Variants in NT5E observed in about 807,000 individuals in gnomAD.
The protein encoded by NT5E is 5'-nucleotidase ecto, also known as 5'-nucleotidase.
In NT5E, 53 loss-of-function variants were observed where a neutral mutation model predicts 55.1. That is an observed-to-expected ratio of 0.96 (90% CI 0.77 to 1.21). NT5E has a LOEUF of 1.21. NT5E is among the 50% of genes most tolerant of loss of function. NT5E has a pLI of 0.00. For missense variants in NT5E, 683 were observed against 724.3 expected, an observed-to-expected ratio of 0.94 and a Z score of 0.65; for synonymous variants, 270 against 278.4, an observed-to-expected ratio of 0.97 and a Z score of 0.30.
chr6:85,451,231 A>T (rs1322980623), intron 1 of NT5E, among the ~76,000 whole-genome samples: 1 of 152,102 alleles, frequency 6.6e-6, no homozygotes, highest in Non-Finnish European at 1.5e-5. Flanking sequence ...GGAAAGAAAG[A>T]AAGAAAGAGA....
At chr6:85,485,792 A>G (rs1319280572) in intron 4 of NT5E, among the ~76,000 whole-genome samples, 2 of 152,212 alleles carry the variant, frequency 1.3e-5, no homozygotes, top group African/African-American at 4.8e-5. Context: ...TGGCCCCCCA[A>G]CTAGAGGCAG....
At chr6:85,478,790 A>G (rs1769486082) in intron 3 of NT5E, among the ~76,000 whole-genome samples, 1 of 151,624 alleles carries the variant, frequency 6.6e-6, no homozygotes, top group Non-Finnish European at 1.5e-5. Context: ...TAGACCTACT[A>G]TGTTCTAGGG....
rs1187586657 is a variant in NT5E, at chr6:85,471,247, A to T, written c.573A>T (p.Leu191Phe). The T allele has an allele frequency of 6.2e-7, 1 of 1,606,094 alleles. No homozygotes were observed. ...TATTTTGTTCCTTAGGGACAAATTT[A>T]GTGTTTGAAGATGAAATCACTGCAT... ...TPFLSNPGTNLVFEDEITALQ... is the reference protein window; with the variant it reads ...TPFLSNPGTNFVFEDEITALQ... Residue 191 changes from leucine to phenylalanine, a missense_variant, in exon 3 of 9, where the codon TTA (leucine) becomes TTT (phenylalanine). Transcript: ENST00000257770.
chr6:85,484,679 T>C (rs1769613568), intron 3 of NT5E, among the ~76,000 whole-genome samples: 1 of 152,160 alleles, frequency 6.6e-6, no homozygotes, highest in Admixed American at 6.5e-5. Context: ...CTCCGAAGTA[T>C]ATGTCTGGGG....
chr6:85,489,728 A>G lies in NT5E; in HGVS notation c.1210+129A>G, dbSNP rs1417684976. 1.2e-5 allele frequency: 9 copies of G among 725,362 alleles called. No individual in the cohort carries two copies. In the East Asian group the frequency reaches 2.5e-4, roughly 20 times the overall value. 44.9% of individuals were successfully genotyped at this position (725,362 alleles called of 1,614,324 possible). A position where few individuals can be genotyped will look rare whatever the true frequency, so the allele number is the denominator to read the frequency against. ...TCTCTGCTGCCAGCCATGTACCAGA[A>G]TGTCAGTCCTTTAAATTAGGGTTAG... On this transcript the variant is annotated intron_variant, in intron 6 of 8. Coordinates refer to ENST00000257770, the MANE Select transcript of NT5E (RefSeq NM_002526.4).
intron 3 of NT5E, among the ~76,000 whole-genome samples, chr6:85,475,653 C>A (rs1769418921): frequency 6.6e-6 from 1 of 152,194 alleles, no homozygotes; most frequent in African/African-American, 2.4e-5. Context: ...GCAGCAGGTA[C>A]AACAGGGGAC....
intron 5 of NT5E, among the ~76,000 whole-genome samples, chr6:85,487,744 CTG>C (rs1341640329): frequency 6.6e-6 from 1 of 152,214 alleles, no homozygotes; most frequent in African/African-American, 2.4e-5. Context: ...GAGCGAGACT[CTG>C]TCTCTAAAAT....
In NT5E at chr6:85,450,536, G is replaced by A; in HGVS notation, c.339+58G>A. 1 of 1,493,054 alleles carries A rather than the reference G, an allele frequency of 6.7e-7. No individual in the cohort carries two copies. Among genetic ancestry groups the A allele is most frequent in the Non-Finnish European group, 9.1e-7 (1 of 1,095,028 alleles). The allele number at this position is 1,493,054 out of a possible 1,614,324, so 92.5% of individuals were successfully genotyped here. Reference sequence around the variant, plus strand: ...CCCGGACTGAGAGAGGAGCCGGGCTGGAAAAGCAGCGGATGGCAGAGTGTG... The same window carrying A: ...CCCGGACTGAGAGAGGAGCCGGGCTAGAAAAGCAGCGGATGGCAGAGTGTG... On this transcript the variant is annotated intron_variant, in intron 1 of 8. Transcript: ENST00000257770. The surrounding 1 kb of genome is among the most constrained non-coding windows in gnomAD (Gnocchi z 4.0).
chr6:85,458,050 C>T (rs1190640212), intron 1 of NT5E, among the ~76,000 whole-genome samples: 5 of 152,210 alleles, frequency 3.3e-5, no homozygotes, highest in African/African-American at 4.8e-5. Flanking sequence ...CATGTTTCTT[C>T]TCCCATAAAA....
At chr6:85,470,137 T>C (rs1319991033) in intron 2 of NT5E, among the ~76,000 whole-genome samples, 1 of 152,194 alleles carries the variant, frequency 6.6e-6, no homozygotes, top group Non-Finnish European at 1.5e-5. Flanking sequence ...GTACCAGACA[T>C]GACTTCAGGG....
At chr6:85,479,990 C>T (rs924731139) in intron 3 of NT5E, among the ~76,000 whole-genome samples, 25 of 152,152 alleles carry the variant, frequency 1.6e-4, no homozygotes, top group Non-Finnish European at 8.8e-5. Flanking sequence ...AGTATTTGCT[C>T]GCTTTCCCTA....
rs371640203 is a variant in NT5E, at chr6:85,485,423, A to T, written c.940A>T (p.Ile314Phe). 1 of 1,614,188 alleles carries T rather than the reference A, an allele frequency of 6.2e-7. No individual in the cohort carries two copies. The highest frequency in any genetic ancestry group is 1.3e-5 in the African/African-American group (1 of 75,072). Reference sequence around the variant, plus strand: ...AAATCCCATTCTTCTAAACAGCAGCATTCCTGAAGGTAAGTGAAGTTCAGG... The same window carrying T: ...AAATCCCATTCTTCTAAACAGCAGCTTTCCTGAAGGTAAGTGAAGTTCAGG... ...HGNPILLNSS[I>F]PEDPSIKADI... The change falls in exon 4 of 9, where the codon ATT becomes TTT. Residue 314 changes from isoleucine (I) to phenylalanine (F), a missense_variant. Coordinates refer to ENST00000257770, the MANE Select transcript of NT5E (RefSeq NM_002526.4).
At chr6:85,463,691 A>G (rs1769136645) in intron 1 of NT5E, among the ~76,000 whole-genome samples, 2 of 152,170 alleles carry the variant, frequency 1.3e-5, no homozygotes, top group Admixed American at 1.3e-4. Context: ...AAACGAATAA[A>G]CTAGATCAAT....
In NT5E at chr6:85,450,434, G is replaced by C. The variant is rs1348777536; in HGVS notation, c.295G>C (p.Ala99Pro). The change falls in exon 1 of 9, where the codon GCC becomes CCC. Residue 99 changes from alanine to proline, a missense_variant. Ala to Pro is a conservative substitution (Grantham distance 27). Coordinates refer to ENST00000257770, the MANE Select transcript of NT5E (RefSeq NM_002526.4). This position sits in a 1 kb window ranked among gnomAD's most constrained non-coding sequence, Gnocchi z 4.0. ...GTIWFTVYKGAEVAHFMNALR... is the reference protein window; with the variant it reads ...GTIWFTVYKGPEVAHFMNALR... ...TATCTGGTTCACCGTGTACAAGGGC[G>C]CCGAGGTGGCGCACTTCATGAACGC... The C allele has an allele frequency of 1.5e-5, 24 of 1,602,386 alleles. No individual in the cohort carries two copies. The South Asian group carries it at 2.7e-4, about 18-fold the overall frequency.
chr6:85,471,123 T>C (rs1769294821), intron 2 of NT5E, 114 bp from the exon 3 acceptor site: 1 of 654,082 alleles, frequency 1.5e-6, no homozygotes, highest in African/African-American at 1.8e-5. Context: ...TTGGTTTTAC[T>C]GACTCTTGAG....
chr6:85,490,522 G>A lies in NT5E; in HGVS notation c.1225G>A (p.Glu409Lys). ...DERNNGTITWENLAAVLPFGG... is the reference protein window; with the variant it reads ...DERNNGTITWKNLAAVLPFGG... ...ACTACCCTCAGGCACAATTACCTGG[G>A]AGAACCTGGCTGCTGTATTGCCCTT... The change falls in exon 7 of 9, where the codon GAG (glutamate) becomes AAG (lysine). Residue 409 changes from glutamate to lysine, a missense_variant. Coordinates refer to ENST00000257770, the MANE Select transcript of NT5E (RefSeq NM_002526.4). 6.2e-7 allele frequency: 1 copy of A among 1,614,174 alleles called. No homozygotes were observed. The highest frequency in any genetic ancestry group is 8.5e-7 in the Non-Finnish European group (1 of 1,180,020).
rs774300606 is a variant in NT5E, at chr6:85,485,274, C to A, written c.791C>A (p.Pro264Gln). Residue 264 changes from proline (P) to glutamine (Q), a missense_variant, in exon 4 of 9, where the codon CCA (proline) becomes CAA (glutamine). Pro to Gln is a moderately conservative substitution (Grantham distance 76). Coordinates refer to ENST00000257770, the MANE Select transcript of NT5E (RefSeq NM_002526.4). ...PSKEVPAGKY[P>Q]FIVTSDDGRK... ...AAAGAGGTGCCTGCTGGGAAGTACC[C>A]ATTCATAGTCACTTCTGATGATGGG... is the stretch of plus-strand genomic sequence containing the variant. 4 of 1,614,184 alleles carry A rather than the reference C, an allele frequency of 2.5e-6. No individual in the cohort carries two copies. The South Asian group carries it at 3.3e-5, about 13-fold the overall frequency.
chr6:85,461,591 G>T (rs1215893581), intron 1 of NT5E, among the ~76,000 whole-genome samples: 2 of 152,214 alleles, frequency 1.3e-5, no homozygotes, highest in Admixed American at 1.3e-4. Context: ...CAGCTCTGAC[G>T]AGCCACTGGT....
intron 1 of NT5E, among the ~76,000 whole-genome samples, chr6:85,461,321 AAC>A (rs754360946): frequency 1.3e-5 from 2 of 152,230 alleles, no homozygotes; most frequent in Admixed American, 6.5e-5. Context: ...AAGGTTACAA[AAC>A]ACAGTCTTTC....
Sources: allele counts gnomAD v4.1 joint callset (sites outside exome capture counted in the v4.1 genomes callset), GRCh38; gene constraint gnomAD v4.1.1; non-coding constraint Gnocchi (gnomAD v3.1); transcripts MANE v1.5; gene names NCBI Gene and HGNC (gene_info 2026-07-23, HGNC 2026-07-21).